Variants in WDFY3 observed in about 807,000 individuals in gnomAD.
WDFY3 encodes the protein WD repeat and FYVE domain containing 3, also known as WD repeat and FYVE domain-containing protein 3.
A neutral mutation model predicts 409.6 loss-of-function variants in WDFY3; 66 were observed. That is an observed-to-expected ratio of 0.16 (90% CI 0.13 to 0.20). The LOEUF (loss-of-function observed/expected upper bound fraction) is 0.20. Ranked by LOEUF, WDFY3 falls within the 10% of genes least tolerant of loss-of-function variation. The pLI is 1.00. For synonymous variants in WDFY3, 1,521 were observed against 1,537.1 expected (o/e 0.99, Z 0.25); for missense variants, 3,031 against 4,298.1 (o/e 0.71, Z 8.24).
intron 1 of WDFY3, among the ~76,000 whole-genome samples, chr4:84,940,511 C>A (rs1771969012): frequency 6.6e-6 from 1 of 152,084 alleles, no homozygotes; most frequent in South Asian, 2.1e-4. Flanking sequence ...CCATAAACCT[C>A]TGGCCCCATT....
At chr4:84,857,601 C>A (rs1759942629) in intron 4 of WDFY3, among the ~76,000 whole-genome samples, 5 of 152,044 alleles carry the variant, frequency 3.3e-5, no homozygotes, top group Non-Finnish European at 7.4e-5. Context: ...TTATTAACTT[C>A]CTGGTAATAA....
chr4:84,883,517 G>A (rs1331286021), intron 3 of WDFY3, among the ~76,000 whole-genome samples: 3 of 152,032 alleles, frequency 2.0e-5, no homozygotes, highest in Non-Finnish European at 4.4e-5. Context: ...GAACCCCTCT[G>A]GCAGTGAGGA....
chr4:84,853,750 G>A (rs1170101854), intron 4 of WDFY3, among the ~76,000 whole-genome samples: 4 of 152,128 alleles, frequency 2.6e-5, no homozygotes, highest in Non-Finnish European at 4.4e-5. Flanking sequence ...GAAATGTTCT[G>A]ACAAGATAAA....
chr4:84,907,673 C>T (rs1767220249), intron 2 of WDFY3, among the ~76,000 whole-genome samples: 1 of 152,160 alleles, frequency 6.6e-6, no homozygotes, highest in African/African-American at 2.4e-5. Flanking sequence ...TCTTAAGCGA[C>T]TTAACTTGAA....
Position 84,718,533 on chromosome 4 carries a change from A to G in WDFY3, c.7643T>C (p.Leu2548Pro). ...HMYRCARVQG[L>P]DTSEGLLLFG... ...AAGAAGGAGCCCCTCACTGGTATCT[A>G]GGCCCTGGACTCGAGCACAGCGGTA... The change falls in exon 48 of 68, where the codon CTA becomes CCA. Residue 2548 changes from leucine (L) to proline (P), a missense_variant. Transcript: ENST00000295888. 6.2e-7 allele frequency: 1 copy of G among 1,614,074 alleles called. No homozygotes were observed. The highest frequency in any genetic ancestry group is 8.5e-7 in the Non-Finnish European group (1 of 1,179,974).
At position 84,822,590 on chromosome 4, in the gene WDFY3, TCAGGAGGCTGAGG is replaced by T. The variant is rs563521919; in HGVS notation, c.1124-1052_1124-1040del. On this transcript the variant is annotated intron_variant, in intron 10 of 67. Transcript: ENST00000295888. ...GGCATGTGCCTGTAGTTCTAGCTACTCAGGAGGCTGAGGCAGGAGGCTGAGGCAGGAGGATTGC... is the reference window on the plus strand; with the variant it reads ...GGCATGTGCCTGTAGTTCTAGCTACTCAGGAGGCTGAGGCAGGAGGATTGC... Among the ~76,000 whole-genome samples the T allele has an allele frequency of 7.3e-4, 111 of 152,154 alleles. No individual in the cohort carries two copies. In the South Asian group the frequency reaches 0.019, roughly 26 times the overall value.
chr4:84,698,631 A>C (rs1730543383), intron 56 of WDFY3, among the ~76,000 whole-genome samples: 1 of 151,922 alleles, frequency 6.6e-6, no homozygotes, highest in African/African-American at 2.4e-5. Flanking sequence ...GGACAAGAAG[A>C]CCCCAGGGTG....
intron 30 of WDFY3, among the ~76,000 whole-genome samples, chr4:84,770,813 C>G (rs1391476298): frequency 6.6e-6 from 1 of 152,126 alleles, no homozygotes; most frequent in Non-Finnish European, 1.5e-5. Context: ...TTTTATTTAA[C>G]TTTTATGTCT....
At chr4:84,698,876 T>C (rs1730591750) in intron 56 of WDFY3, among the ~76,000 whole-genome samples, 1 of 151,942 alleles carries the variant, frequency 6.6e-6, no homozygotes, top group Admixed American at 6.6e-5. Context: ...TTAGTGGAGA[T>C]GAGTTTTCAC....
intron 3 of WDFY3, chr4:84,886,327 TTTC>T (rs1308735769): frequency 6.6e-6 from 1 of 152,100 alleles, no homozygotes; most frequent in Non-Finnish European, 1.5e-5. Flanking sequence ...AACCAATTCA[TTTC>T]TTAAGTTAGT....
At chr4:84,948,560 G>A (rs79834042) in intron 1 of WDFY3, among the ~76,000 whole-genome samples, 1 of 152,240 alleles carries the variant, frequency 6.6e-6, no homozygotes, top group Non-Finnish European at 1.5e-5. Context: ...AGATGTTTTT[G>A]CAGTTTCGCC....
intron 17 of WDFY3, among the ~76,000 whole-genome samples, chr4:84,799,661 A>C (rs1750149933): frequency 6.6e-6 from 1 of 152,070 alleles, no homozygotes; most frequent in African/African-American, 2.4e-5. Flanking sequence ...TAAACCCTCC[A>C]TAACCTGTCA....
chr4:84,821,063 A>G, intron 11 of WDFY3, 21 bp downstream of exon 11: 1 of 1,549,008 alleles, frequency 6.5e-7, no homozygotes, highest in East Asian at 2.3e-5. Flanking sequence ...AATAAAAATA[A>G]AATTACAGAC....
In WDFY3 at chr4:84,837,025, A is replaced by G; in HGVS notation, c.480T>C (p.Phe160=). The G allele has an allele frequency of 6.3e-7, 1 of 1,598,576 alleles. No individual in the cohort carries two copies. Among genetic ancestry groups the G allele is most frequent in the Non-Finnish European group, 8.5e-7 (1 of 1,172,758 alleles). ...PSTLVKCLYL[F]FDLPHVPEAV... is the part of the protein sequence containing the mutation. ...CCTCAGGCACATGTGGAAGGTCAAA[A>G]AACAGATATAAACATTTAACCAGGG... Residue 160 remains phenylalanine (F), a synonymous_variant, in exon 7 of 68, where the codon TTT becomes TTC. Transcript: ENST00000295888.
At chr4:84,866,193 T>C (rs1261858935) in intron 3 of WDFY3, among the ~76,000 whole-genome samples, 1 of 152,318 alleles carries the variant, frequency 6.6e-6, no homozygotes, top group East Asian at 1.9e-4. Flanking sequence ...TTGCTCCTAA[T>C]GTACCAAATA....
intron 32 of WDFY3, among the ~76,000 whole-genome samples, chr4:84,763,054 A>G (rs1326730834): frequency 6.6e-6 from 1 of 152,202 alleles, no homozygotes; most frequent in Non-Finnish European, 1.5e-5. Context: ...AAGTCCTAAA[A>G]AAAAACCAAA....
chr4:84,709,466 T>C (rs1732525749), intron 51 of WDFY3, 119 bp from the exon 52 acceptor site: 1 of 740,980 alleles, frequency 1.3e-6, no homozygotes, highest in Non-Finnish European at 2.2e-6. Flanking sequence ...GGAGGATCTA[T>C]TAGTGGGTCA....
intron 7 of WDFY3, 84 bp downstream of exon 7, chr4:84,836,845 A>G: frequency 8.3e-7 from 1 of 1,205,464 alleles, no homozygotes; most frequent in Non-Finnish European, 1.1e-6. Flanking sequence ...GAGTTAAAAA[A>G]TGGAATATGT....
intron 3 of WDFY3, among the ~76,000 whole-genome samples, chr4:84,864,639 C>T (rs887112873): frequency 3.3e-5 from 5 of 152,036 alleles, no homozygotes; most frequent in African/African-American, 4.8e-5. Context: ...GGATTGCTTC[C>T]TACCTTTAAG....
Sources: allele counts gnomAD v4.1 joint callset (sites outside exome capture counted in the v4.1 genomes callset), GRCh38; gene constraint gnomAD v4.1.1; transcripts MANE v1.5; gene names NCBI Gene and HGNC (gene_info 2026-07-23, HGNC 2026-07-21).